HAS2: variants seen among roughly 807,000 people sequenced by gnomAD.
The protein encoded by HAS2 is hyaluronan synthase 2.
In HAS2, 16 loss-of-function variants were observed where a neutral mutation model predicts 51.6. That is an observed-to-expected ratio of 0.31 (90% CI 0.21 to 0.47). HAS2 has a LOEUF of 0.47. Among genes scored for constraint, HAS2 ranks in the 20% least tolerant of loss-of-function variants. HAS2 has a pLI of 1.00. For synonymous variants in HAS2, 228 were observed against 235.5 expected, an observed-to-expected ratio of 0.97 and a Z score of 0.29; for missense variants, 361 against 662.6, an observed-to-expected ratio of 0.54 and a Z score of 5.00.
Position 121,613,181 on chromosome 8 carries a change from A to C in HAS2, c.*928T>G, listed in dbSNP as rs1025040818. Reference sequence around the variant, plus strand: ...CTGGATGCCTACTGTTTTCTTTCAAAGACTATCATTCCCTTTTTTTTAAAT... The same window carrying C: ...CTGGATGCCTACTGTTTTCTTTCAACGACTATCATTCCCTTTTTTTTAAAT... On this transcript the variant is annotated 3_prime_UTR_variant, in exon 4 of 4. Transcript: ENST00000303924. 5.3e-5 allele frequency: 8 copies of C among 152,138 alleles called. No homozygotes were observed. Among genetic ancestry groups the C allele is most frequent in the Non-Finnish European group, 1.0e-4 (7 of 68,018 alleles). The allele number at this position is 152,138 out of a possible 1,614,324, so 9.4% of individuals were successfully genotyped here.
chr8:121,626,006 G>T (rs1349366843), intron 2 of HAS2, among the ~76,000 whole-genome samples: 1 of 152,152 alleles, frequency 6.6e-6, no homozygotes, highest in African/African-American at 2.4e-5. Context: ...CGAGAGAGCA[G>T]TCGGTAGAGA....
chr8:121,625,675 ATTTTTTTTT>A (rs934743239), intron 2 of HAS2, among the ~76,000 whole-genome samples: 3 of 108,104 alleles, frequency 2.8e-5, no homozygotes, highest in South Asian at 2.9e-4. Context: ...AGTCCAGCTA[ATTTTTTTTT>A]TTTTTTTTTT....
rs1813089429 is a variant in HAS2, at chr8:121,641,048, T to C, written c.-196A>G. On this transcript the variant is annotated 5_prime_UTR_variant, in exon 1 of 4. Transcript: ENST00000303924. ...TTAAATGTTTGATTCTTCCCCACTT[T>C]AAAAAATAATTTCACTAATATTCTC... 6.6e-6 allele frequency: 1 copy of C among 151,726 alleles called. No individual in the cohort carries two copies. The highest frequency in any genetic ancestry group is 2.4e-5 in the African/African-American group (1 of 41,230). 9.4% of individuals were successfully genotyped at this position (151,726 alleles called of 1,614,324 possible). A position where few individuals can be genotyped will look rare whatever the true frequency, so the allele number is the denominator to read the frequency against.
At chr8:121,618,837 T>C (rs1162545623) in intron 2 of HAS2, among the ~76,000 whole-genome samples, 2 of 152,160 alleles carry the variant, frequency 1.3e-5, no homozygotes, top group African/African-American at 4.8e-5. Context: ...AGCCAATTTT[T>C]TTTAATATCA....
chr8:121,613,922 A>C lies in HAS2; in HGVS notation c.*187T>G. 1.3e-6 allele frequency: 1 copy of C among 777,216 alleles called. No homozygotes were observed. The highest frequency in any genetic ancestry group is 2.7e-5 in the East Asian group (1 of 36,774). The allele number at this position is 777,216 out of a possible 1,614,324, so 48.1% of individuals were successfully genotyped here. On this transcript the variant is annotated 3_prime_UTR_variant, in exon 4 of 4. Transcript: ENST00000303924. ...TCATAGAAATAACAGGTTAAATCTGAGTTTCTTCTTGTTGATGTATTGTTT... is the reference window on the plus strand; with the variant it reads ...TCATAGAAATAACAGGTTAAATCTGCGTTTCTTCTTGTTGATGTATTGTTT...
chr8:121,623,744 T>C (rs1480261288), intron 2 of HAS2, among the ~76,000 whole-genome samples: 1 of 152,104 alleles, frequency 6.6e-6, no homozygotes, highest in East Asian at 1.9e-4. Context: ...AACAACAAAG[T>C]TGGGTATAGA....
At position 121,628,814 on chromosome 8, in the gene HAS2, A is replaced by G; in HGVS notation, c.527T>C (p.Leu176Ser). Residue 176 changes from leucine to serine, a missense_variant, in exon 2 of 4, where the codon TTG becomes TCG. Leu to Ser is a moderately radical substitution (Grantham distance 145). This residue lies in a region of HAS2 where 145 missense variants were observed against 217.6 expected (regional missense o/e 0.67). Transcript: ENST00000303924. The stretch of plus-strand genomic sequence containing the variant: ...CATGATGCAGATACTTTTGTTGGAC[A>G]AGACCAATTGCGTTACGTGTTGCGA... Reference protein sequence around the residue: ...ESSQHVTQLVLSNKSICIMQK... With the variant: ...ESSQHVTQLVSSNKSICIMQK... 6 of 1,614,128 alleles carry G rather than the reference A, an allele frequency of 3.7e-6. No homozygotes were observed. The highest frequency in any genetic ancestry group is 5.1e-6 in the Non-Finnish European group (6 of 1,179,982).
chr8:121,624,539 G>C (rs1812815718), intron 2 of HAS2, among the ~76,000 whole-genome samples: 1 of 152,270 alleles, frequency 6.6e-6, no homozygotes, highest in Non-Finnish European at 1.5e-5. Context: ...CAACTCTACT[G>C]TTAGGAATAA....
chr8:121,635,094 T>A (rs890294202), intron 1 of HAS2, among the ~76,000 whole-genome samples: 3 of 152,192 alleles, frequency 2.0e-5, no homozygotes, highest in Non-Finnish European at 4.4e-5. Context: ...TTATCTAGTA[T>A]TAACCAGATT....
chr8:121,628,676 A>G, intron 2 of HAS2, 38 bp downstream of exon 2: 1 of 1,588,850 alleles, frequency 6.3e-7, no homozygotes, highest in Non-Finnish European at 8.6e-7. Flanking sequence ...GGCTTTATTT[A>G]AATGTATGTT....
At chr8:121,636,925 A>C (rs1813016947) in intron 1 of HAS2, among the ~76,000 whole-genome samples, 1 of 152,228 alleles carries the variant, frequency 6.6e-6, no homozygotes, top group Admixed American at 6.5e-5. Context: ...ATTCAATTCA[A>C]GGGCATTATA....
At chr8:121,627,234 G>A (rs1023651742) in intron 2 of HAS2, among the ~76,000 whole-genome samples, 1 of 152,264 alleles carries the variant, frequency 6.6e-6, no homozygotes, top group Admixed American at 6.5e-5. Context: ...TCCTCTATAA[G>A]TTCTCAGTCA....
At position 121,614,892 on chromosome 8, in the gene HAS2, C is replaced by T. The variant is rs775360946; in HGVS notation, c.876G>A (p.Leu292=). 62 of 1,614,132 alleles carry T rather than the reference C, an allele frequency of 3.8e-5. No individual in the cohort carries two copies. The highest frequency in any genetic ancestry group is 5.2e-5 in the Non-Finnish European group (61 of 1,179,982). Residue 292 remains leucine (L), a synonymous_variant, in exon 4 of 4, where the codon TTG becomes TTA. Coordinates refer to ENST00000303924, the MANE Select transcript of HAS2 (RefSeq NM_005328.3). The surrounding 1 kb of genome is among the most constrained non-coding windows in gnomAD (Gnocchi z 7.2). Reference sequence around the variant, plus strand: ...TGTACCAATCTTCCACAAACTCATGCAACAAGGAGTTTCTGTACATTCCCA... The same window carrying T: ...TGTACCAATCTTCCACAAACTCATGTAACAAGGAGTTTCTGTACATTCCCA... The part of the protein sequence containing the change: ...GPLGMYRNSL[L]HEFVEDWYNQ...
At position 121,641,158 on chromosome 8, in the gene HAS2, C is replaced by CTTTCTTTTTTTTTTT. The variant is rs1554597329; in HGVS notation, c.-307_-306insAAAAAAAAAAAGAAA. Reference sequence around the variant, plus strand: ...TAACTTTTCTTTTTTCTTTTCTTTTCTTTTTTTTTTTTTTTTTTTTTTGGG... The same window carrying CTTTCTTTTTTTTTTT: ...TAACTTTTCTTTTTTCTTTTCTTTTCTTTCTTTTTTTTTTTTTTTTTTTTTTTTTTTTTTTTTGGG... On this transcript the variant is annotated 5_prime_UTR_variant, in exon 1 of 4. Transcript: ENST00000303924. 1 of 57,016 alleles carries CTTTCTTTTTTTTTTT rather than the reference C, an allele frequency of 1.8e-5. No individual in the cohort carries two copies. The highest frequency in any genetic ancestry group is 2.7e-4 in the Admixed American group (1 of 3,658). The allele number at this position is 57,016 out of a possible 1,614,324, so 3.5% of individuals were successfully genotyped here. A position where few individuals can be genotyped will look rare whatever the true frequency, so the allele number is the denominator to read the frequency against.
chr8:121,637,411 G>A (rs1018765768), intron 1 of HAS2, among the ~76,000 whole-genome samples: 67 of 62,786 alleles, frequency 1.1e-3, no homozygotes, highest in African/African-American at 7.4e-3. Flanking sequence ...TTTTTTTTGA[G>A]ATAGAGCCTC....
Position 121,641,259 on chromosome 8 carries a change from G to A in HAS2, c.-407C>T, listed in dbSNP as rs1813101427. 1 of 127,048 alleles carries A rather than the reference G, an allele frequency of 7.9e-6. No homozygotes were observed. The highest frequency in any genetic ancestry group is 1.6e-5 in the Non-Finnish European group (1 of 63,368). The allele number at this position is 127,048 out of a possible 1,614,324, so 7.9% of individuals were successfully genotyped here. A position where few individuals can be genotyped will look rare whatever the true frequency, so the allele number is the denominator to read the frequency against. On this transcript the variant is annotated 5_prime_UTR_variant, in exon 1 of 4. Coordinates refer to ENST00000303924, the MANE Select transcript of HAS2 (RefSeq NM_005328.3). Reference sequence around the variant, plus strand: ...AAAAAAAAAAAAAAAAAAAAAGCCTGTGGAAGACTCAGCAGAACCCAGGAA... The same window carrying A: ...AAAAAAAAAAAAAAAAAAAAAGCCTATGGAAGACTCAGCAGAACCCAGGAA...
At chr8:121,633,997 G>A (rs1228713164) in intron 1 of HAS2, among the ~76,000 whole-genome samples, 8 of 148,930 alleles carry the variant, frequency 5.4e-5, no homozygotes, top group Non-Finnish European at 1.2e-4. Context: ...TGCAACCTCC[G>A]CCTCCTGGGT....
rs1415034560 is a variant in HAS2 at position 121,614,120 on chromosome 8, G to A, written c.1648C>T (p.Leu550Phe). 6.2e-7 allele frequency: 1 copy of A among 1,613,710 alleles called. No homozygotes were observed. The highest frequency in any genetic ancestry group is 8.5e-7 in the Non-Finnish European group (1 of 1,179,630). ...RKKGQQYDMV[L>F]DV Reference sequence around the variant, plus strand: ...CAAAACATGGAAGATCATACATCAAGCACCATGTCATATTGTTGTCCCTTC... The same window carrying A: ...CAAAACATGGAAGATCATACATCAAACACCATGTCATATTGTTGTCCCTTC... The change falls in exon 4 of 4, where the codon CTT becomes TTT. Residue 550 changes from leucine (L) to phenylalanine (F), a missense_variant. Leu to Phe is a conservative substitution (Grantham distance 22). Coordinates refer to ENST00000303924, the MANE Select transcript of HAS2 (RefSeq NM_005328.3). The surrounding 1 kb of genome is among the most constrained non-coding windows in gnomAD (Gnocchi z 7.2).
intron 1 of HAS2, among the ~76,000 whole-genome samples, chr8:121,636,565 G>T (rs1813012405): frequency 6.6e-6 from 1 of 152,066 alleles, no homozygotes; most frequent in Non-Finnish European, 1.5e-5. Context: ...CAGAACTGTA[G>T]GTTTCAGATT....
Sources: gnomAD v4.1 joint callset for allele counts (sites outside exome capture counted in the v4.1 genomes callset) on GRCh38, gnomAD v4.1.1 for gene constraint, gnomAD v4.1.1 regional missense constraint, Gnocchi (gnomAD v3.1) non-coding constraint, MANE v1.5 for transcripts, NCBI Gene and HGNC (gene_info 2026-07-23, HGNC 2026-07-21) for gene names.